The following STK32B variants were observed in gnomAD, a reference collection of about 807,000 sequenced individuals.
The protein encoded by STK32B is serine/threonine kinase 32B.
A neutral mutation model predicts 52.6 loss-of-function variants in STK32B; 43 were observed. The ratio of observed to expected loss-of-function variants is 0.82; its 90% CI spans 0.64 to 1.05. The LOEUF (loss-of-function observed/expected upper bound fraction) is 1.05, where lower values mean the gene tolerates loss of function less well. Among genes scored for constraint, STK32B ranks in the 50% least tolerant of loss-of-function variants. The pLI, the probability that STK32B is intolerant of heterozygous loss-of-function variation, is 0.00. For synonymous variants in STK32B, 238 were observed against 204.3 expected (o/e 1.17, Z -1.41); for missense variants, 621 against 534.6 (o/e 1.16, Z -1.59).
At chr4:5,294,693 A>G (rs1447135650) in intron 3 of STK32B, among the ~76,000 whole-genome samples, 3 of 152,172 alleles carry the variant, frequency 2.0e-5, no homozygotes, top group African/African-American at 7.2e-5. Flanking sequence ...GGGATTTTCT[A>G]AATATACAAT....
At chr4:5,305,233 TTATC>T (rs1439392535) in intron 3 of STK32B, among the ~76,000 whole-genome samples, 1 of 151,818 alleles carries the variant, frequency 6.6e-6, no homozygotes, top group Non-Finnish European at 1.5e-5. Context: ...GCCTCTTTCT[TTATC>T]TTTTGGAATA....
chr4:5,408,099 C>G (rs1421311649), intron 5 of STK32B, among the ~76,000 whole-genome samples: 1 of 152,148 alleles, frequency 6.6e-6, no homozygotes. Context: ...AAACACATGT[C>G]TGTTGTTAAT....
At chr4:5,245,981 C>T (rs1398784929) in intron 3 of STK32B, among the ~76,000 whole-genome samples, 3 of 152,188 alleles carry the variant, frequency 2.0e-5, no homozygotes, top group Admixed American at 6.5e-5. Flanking sequence ...GGTAACCCGA[C>T]CTTTCTCTTT....
intron 3 of STK32B, among the ~76,000 whole-genome samples, chr4:5,271,814 T>A (rs1247049417): frequency 1.4e-5 from 2 of 138,034 alleles, no homozygotes; most frequent in Non-Finnish European, 1.5e-5. Context: ...TTGTCTGTAG[T>A]TGGTGTATAA....
intron 3 of STK32B, among the ~76,000 whole-genome samples, chr4:5,252,731 C>G (rs1223550989): frequency 2.0e-5 from 3 of 152,244 alleles, no homozygotes; most frequent in Non-Finnish European, 2.9e-5. Flanking sequence ...AGTACCACTT[C>G]TAACCTGCGT....
At chr4:5,337,798 C>T (rs1271314423) in intron 4 of STK32B, among the ~76,000 whole-genome samples, 2 of 152,080 alleles carry the variant, frequency 1.3e-5, no homozygotes, top group Non-Finnish European at 2.9e-5. Context: ...GTACAGCTTA[C>T]TAAATGAGTC....
Position 5,460,302 on chromosome 4 carries a change from G to A in STK32B, c.909+74G>A. ...CGCCTTGGTGCAAAGCAAGACTTTG[G>A]CAGCTGGCTAGTGAGCCCTCTGCTG... On this transcript the variant is annotated intron_variant, in intron 9 of 11. Transcript: ENST00000282908. The surrounding 1 kb of genome is among the most constrained non-coding windows in gnomAD (Gnocchi z 4.8). 7.8e-6 allele frequency: 12 copies of A among 1,539,428 alleles called. No homozygotes were observed. Among genetic ancestry groups the A allele is most frequent in the Non-Finnish European group, 9.6e-6 (11 of 1,143,604 alleles).
chr4:5,467,319 T>C lies in STK32B; in HGVS notation c.1041+485T>C, dbSNP rs1717521087. Among the ~76,000 whole-genome samples, 1 of 152,172 alleles carries C rather than the reference T, an allele frequency of 6.6e-6. No individual in the cohort carries two copies. Among genetic ancestry groups the C allele is most frequent in the Non-Finnish European group, 1.5e-5 (1 of 68,022 alleles). ...AGAGCCCAGCTCTCTCCAAAGGCTA[T>C]AGGGGAGGGGCCGTCCTTGGCTCCC... On this transcript the variant is annotated intron_variant, in intron 10 of 11. Coordinates refer to ENST00000282908, the MANE Select transcript of STK32B (RefSeq NM_018401.3). The surrounding 1 kb of genome is among the most constrained non-coding windows in gnomAD (Gnocchi z 5.8).
intron 7 of STK32B, chr4:5,446,977 G>T: frequency 1.9e-6 from 1 of 537,154 alleles, no homozygotes; most frequent in Non-Finnish European, 3.4e-6. Context: ...TTGTACAGAT[G>T]GGAAAGAGGC....
chr4:5,245,933 G>C (rs2108824176), intron 3 of STK32B, among the ~76,000 whole-genome samples: 1 of 152,326 alleles, frequency 6.6e-6, no homozygotes, highest in South Asian at 2.1e-4. Context: ...AGTTTCTGCT[G>C]AGAGATCCAC....
intron 3 of STK32B, among the ~76,000 whole-genome samples, chr4:5,290,906 AC>A (rs1404465394): frequency 2.6e-5 from 4 of 152,164 alleles, no homozygotes; most frequent in Non-Finnish European, 5.9e-5. Context: ...TAAAATTCAT[AC>A]GGAAAGGCAA....
intron 3 of STK32B, among the ~76,000 whole-genome samples, chr4:5,182,525 G>A (rs545834814): frequency 6.6e-6 from 1 of 151,546 alleles, no homozygotes; most frequent in Non-Finnish European, 1.5e-5. Flanking sequence ...GCAGTGATGC[G>A]ATCTCAGCTC....
At chr4:5,234,516 A>AC (rs1724496545) in intron 3 of STK32B, among the ~76,000 whole-genome samples, 1 of 151,854 alleles carries the variant, frequency 6.6e-6, no homozygotes, top group South Asian at 2.1e-4. Context: ...GGCTCAATAA[A>AC]AAATATTGAT....
chr4:5,271,407 G>T lies in STK32B; in HGVS notation c.261-59813G>T, dbSNP rs573392013. Reference sequence around the variant, plus strand: ...TTGATGAGTCTTAAGACTCAATATTGCTTGTAGTATAGTTTGAAGTCAGGT... The same window carrying T: ...TTGATGAGTCTTAAGACTCAATATTTCTTGTAGTATAGTTTGAAGTCAGGT... On this transcript the variant is annotated intron_variant, in intron 3 of 11. Transcript: ENST00000282908. 2.0e-5 allele frequency among the ~76,000 whole-genome samples: 3 copies of T among 152,220 alleles called. No individual in the cohort carries two copies. The East Asian group carries it at 5.8e-4, about 29-fold the overall frequency.
intron 6 of STK32B, among the ~76,000 whole-genome samples, chr4:5,426,300 G>A (rs1713086253): frequency 6.6e-6 from 1 of 152,134 alleles, no homozygotes; most frequent in Non-Finnish European, 1.5e-5. Flanking sequence ...CGTGATTTCA[G>A]TTTGCAAATC....
intron 6 of STK32B, among the ~76,000 whole-genome samples, chr4:5,421,457 T>A (rs186130666): frequency 1.9e-3 from 296 of 151,890 alleles, no homozygotes; most frequent in African/African-American, 7.0e-3. Context: ...ACTCCTGACA[T>A]CAGGTGATCC....
rs145296615 is a variant in STK32B, at chr4:5,383,025, A to G, written c.435-15182A>G. ...CCCTAAAAATAGCAATTCTTAAAAT[A>G]TTAATTCACCGGAAAGGTCTCCACG... On this transcript the variant is annotated intron_variant, in intron 4 of 11. Coordinates refer to ENST00000282908, the MANE Select transcript of STK32B (RefSeq NM_018401.3). 1.1e-3 allele frequency among the ~76,000 whole-genome samples: 171 copies of G among 152,322 alleles called. 1 individual carries two copies. The highest frequency in any genetic ancestry group is 3.8e-3 in the African/African-American group (159 of 41,568).
At chr4:5,074,362 G>A (rs946712386) in intron 1 of STK32B, among the ~76,000 whole-genome samples, 1 of 151,722 alleles carries the variant, frequency 6.6e-6, no homozygotes, top group African/African-American at 2.4e-5. Context: ...CTAGTTCTAG[G>A]ACTTTCATTT....
chr4:5,284,754 C>A (rs966562764), intron 3 of STK32B, among the ~76,000 whole-genome samples: 1 of 152,176 alleles, frequency 6.6e-6, no homozygotes, highest in Non-Finnish European at 1.5e-5. Flanking sequence ...TACTAATCAT[C>A]TCCACGTGAG....
Sources: allele counts gnomAD v4.1 joint callset (sites outside exome capture counted in the v4.1 genomes callset), GRCh38; gene constraint gnomAD v4.1.1; non-coding constraint Gnocchi (gnomAD v3.1); transcripts MANE v1.5; gene names NCBI Gene and HGNC (gene_info 2026-07-23, HGNC 2026-07-21).